The following STT3B variants were observed in gnomAD, a reference collection of about 807,000 sequenced individuals.
STT3B encodes STT3 oligosaccharyltransferase complex catalytic subunit B, also known as dolichyl-diphosphooligosaccharide--protein glycosyltransferase subunit STT3B.
In STT3B, 29 loss-of-function variants were observed where a neutral mutation model predicts 96.8. That is an observed-to-expected ratio of 0.30 (90% CI 0.22 to 0.41). The LOEUF is 0.41. Among genes scored for constraint, STT3B ranks in the 10% least tolerant of loss-of-function variants. The pLI is 1.00. For synonymous variants in STT3B, 367 were observed against 360.0 expected, an observed-to-expected ratio of 1.02 and a Z score of -0.22; for missense variants, 640 against 1,022.3, an observed-to-expected ratio of 0.63 and a Z score of 5.10.
At chr3:31,622,363 C>T in intron 10 of STT3B, 55 bp downstream of exon 10, 2 of 1,431,046 alleles carry the variant, frequency 1.4e-6, no homozygotes, top group South Asian at 1.2e-5. Flanking sequence ...TTAATTTTTC[C>T]ACCACAGTAA....
intron 5 of STT3B, among the ~76,000 whole-genome samples, chr3:31,606,255 G>C (rs895332946): frequency 2.0e-5 from 3 of 152,212 alleles, no homozygotes; most frequent in African/African-American, 7.2e-5. Flanking sequence ...ATTGAAGCAG[G>C]CTGCAGAAAT....
At chr3:31,606,490 T>C (rs1261866393) in intron 5 of STT3B, among the ~76,000 whole-genome samples, 3 of 118,338 alleles carry the variant, frequency 2.5e-5, no homozygotes, top group Admixed American at 9.3e-5. Flanking sequence ...GGGGTTAAGG[T>C]ACAGTTCAGA....
intron 5 of STT3B, among the ~76,000 whole-genome samples, chr3:31,605,755 C>G (rs1699036878): frequency 6.6e-6 from 1 of 152,146 alleles, no homozygotes; most frequent in Non-Finnish European, 1.5e-5. Flanking sequence ...GAGTGGAAGG[C>G]TGCTGAAAAG....
chr3:31,584,330 T>G (rs1276312218), intron 3 of STT3B, among the ~76,000 whole-genome samples: 1 of 152,240 alleles, frequency 6.6e-6, no homozygotes, highest in East Asian at 1.9e-4. Flanking sequence ...TACTGTAGCT[T>G]TGTAATGAGT....
chr3:31,632,014 T>A (rs1314124146), intron 14 of STT3B, among the ~76,000 whole-genome samples: 1 of 151,920 alleles, frequency 6.6e-6, no homozygotes, highest in African/African-American at 2.4e-5. Flanking sequence ...TACCACCACG[T>A]CCAGTTAATT....
intron 1 of STT3B, among the ~76,000 whole-genome samples, chr3:31,545,994 ATCC>A (rs371422086): frequency 2.5e-4 from 38 of 152,228 alleles, no homozygotes; most frequent in African/African-American, 9.1e-4. Flanking sequence ...TAGCTTATTT[ATCC>A]TCCTCTTTGA....
chr3:31,575,730 G>A (rs1698249206), intron 1 of STT3B, among the ~76,000 whole-genome samples: 2 of 152,020 alleles, frequency 1.3e-5, no homozygotes, highest in African/African-American at 2.4e-5. Flanking sequence ...GGGGGAAGGG[G>A]ATTGACCTGA....
intron 1 of STT3B, among the ~76,000 whole-genome samples, chr3:31,572,060 TA>T (rs1362151265): frequency 7.1e-6 from 1 of 140,806 alleles, no homozygotes; most frequent in African/African-American, 2.6e-5. Flanking sequence ...TATCATATAT[TA>T]ATATATTAAA....
At chr3:31,608,205 A>G (rs140874747) in intron 5 of STT3B, among the ~76,000 whole-genome samples, 108 of 151,940 alleles carry the variant, frequency 7.1e-4, no homozygotes, top group African/African-American at 2.6e-3. Context: ...CAATAACTAC[A>G]CTCCTCCGCC....
At chr3:31,546,736 T>C (rs1697421965) in intron 1 of STT3B, among the ~76,000 whole-genome samples, 1 of 152,230 alleles carries the variant, frequency 6.6e-6, no homozygotes. Flanking sequence ...CTCACTAATT[T>C]AGTAGGAGGT....
intron 1 of STT3B, among the ~76,000 whole-genome samples, chr3:31,536,609 T>G (rs891650545): frequency 6.6e-6 from 1 of 152,240 alleles, no homozygotes. Context: ...TTTTTAAATT[T>G]GTCACCCAAG....
intron 3 of STT3B, 94 bp downstream of exon 3, chr3:31,580,190 T>A (rs752789014): frequency 1.7e-6 from 2 of 1,208,098 alleles, no homozygotes; most frequent in Admixed American, 2.1e-5. Context: ...TTACAAATTA[T>A]GTAGTTGCGT....
intron 3 of STT3B, among the ~76,000 whole-genome samples, chr3:31,595,523 T>C (rs1395925720): frequency 1.3e-5 from 2 of 152,164 alleles, no homozygotes; most frequent in African/African-American, 4.8e-5. Flanking sequence ...CATTTCTGTT[T>C]TCATGCAGTT....
intron 3 of STT3B, 139 bp downstream of exon 3, chr3:31,580,235 A>G: frequency 1.3e-6 from 1 of 776,162 alleles, no homozygotes; most frequent in Non-Finnish European, 2.1e-6. Context: ...AATCAATTTA[A>G]TAATGGATAA....
chr3:31,536,460 A>G (rs1238858232), intron 1 of STT3B, among the ~76,000 whole-genome samples: 1 of 152,064 alleles, frequency 6.6e-6, no homozygotes, highest in Non-Finnish European at 1.5e-5. Flanking sequence ...ATCTCTATCA[A>G]TGGTTTCATT....
chr3:31,633,442 CCTGTA>C (rs1409204308), intron 15 of STT3B, among the ~76,000 whole-genome samples: 1 of 152,074 alleles, frequency 6.6e-6, no homozygotes, highest in Non-Finnish European at 1.5e-5. Flanking sequence ...GCTTTCCAAA[CCTGTA>C]TGAAAGTAAA....
intron 9 of STT3B, chr3:31,620,389 T>C (rs1699401306): frequency 1.3e-5 from 2 of 152,324 alleles, no homozygotes; most frequent in South Asian, 4.1e-4. Context: ...AGTTTGTGTT[T>C]GAGAATTGAA....
rs1575417505 is a variant in STT3B, at chr3:31,567,442, AC to A, written c.315-8953del. ...AGATTTGTGTTGTCTTGTTAAAATTACATTTGTGAACTGAACATTTTTGGAA... is the reference window on the plus strand; with the variant it reads ...AGATTTGTGTTGTCTTGTTAAAATTAATTTGTGAACTGAACATTTTTGGAA... On this transcript the variant is annotated intron_variant, in intron 1 of 15. Coordinates refer to ENST00000295770, the MANE Select transcript of STT3B (RefSeq NM_178862.3). Among the ~76,000 whole-genome samples the A allele has an allele frequency of 3.3e-5, 5 of 152,342 alleles. No homozygotes were observed. In the East Asian group the frequency reaches 9.6e-4, roughly 29 times the overall value.
At chr3:31,558,311 G>A (rs1044967342) in intron 1 of STT3B, among the ~76,000 whole-genome samples, 9 of 152,068 alleles carry the variant, frequency 5.9e-5, no homozygotes, top group African/African-American at 1.9e-4. Flanking sequence ...GTTAGCTCTG[G>A]GTTTGTCATA....
Sources: gnomAD v4.1 joint callset for allele counts (sites outside exome capture counted in the v4.1 genomes callset) on GRCh38, gnomAD v4.1.1 for gene constraint, MANE v1.5 for transcripts, NCBI Gene and HGNC (gene_info 2026-07-23, HGNC 2026-07-21) for gene names.